Variants in BABAM2 observed in about 807,000 individuals in gnomAD.
The protein encoded by BABAM2 is BRISC and BRCA1 A complex member 2.
Under a neutral mutation model 54.7 loss-of-function variants are expected in BABAM2, and 31 were observed. The ratio of observed to expected loss-of-function variants is 0.57; its 90% confidence interval spans 0.43 to 0.77. BABAM2 has a LOEUF of 0.77. Among genes scored for constraint, BABAM2 ranks in the 30% least tolerant of loss-of-function variants. The pLI is 0.00. For synonymous variants in BABAM2, 167 were observed against 162.9 expected (o/e 1.03, Z -0.19); for missense variants, 364 against 455.8 (o/e 0.80, Z 1.83).
At chr2:27,909,844 A>G (rs1249662552) in intron 2 of BABAM2, among the ~76,000 whole-genome samples, 1 of 152,250 alleles carries the variant, frequency 6.6e-6, no homozygotes, top group African/African-American at 2.4e-5. Flanking sequence ...TGTATAGGAC[A>G]TGCTATGACA....
chr2:28,133,605 A>G (rs1670275416), intron 7 of BABAM2, among the ~76,000 whole-genome samples: 1 of 152,196 alleles, frequency 6.6e-6, no homozygotes. Flanking sequence ...GCATAGAGAG[A>G]TATCGTGGGC....
At chr2:27,948,740 C>T (rs1669486255) in intron 3 of BABAM2, among the ~76,000 whole-genome samples, 1 of 151,998 alleles carries the variant, frequency 6.6e-6, no homozygotes, top group African/African-American at 2.4e-5. Flanking sequence ...CACTGCACTC[C>T]AGCCTGGATG....
At position 28,008,891 on chromosome 2, in the gene BABAM2, C is replaced by G. The variant is rs368048137; in HGVS notation, c.301-16335C>G. ...TCCATTGTTGAAGATGTTCTTCCCCCCTGGATATGGGCAGCTCTGGATTCC... is the reference window on the plus strand; with the variant it reads ...TCCATTGTTGAAGATGTTCTTCCCCGCTGGATATGGGCAGCTCTGGATTCC... On this transcript the variant is annotated intron_variant, in intron 4 of 11. Transcript: ENST00000379624. Among the ~76,000 whole-genome samples, 282 of 152,188 alleles carry G rather than the reference C, an allele frequency of 1.9e-3. 2 individuals are homozygous for G. The highest frequency in any genetic ancestry group is 6.0e-3 in the African/African-American group (250 of 41,530).
intron 2 of BABAM2, among the ~76,000 whole-genome samples, chr2:27,899,856 G>C (rs1432187763): frequency 6.6e-6 from 1 of 152,110 alleles, no homozygotes. Context: ...ACTTTCGTTA[G>C]CTTCAAAAAA....
At chr2:28,170,667 A>G (rs1674220796) in intron 7 of BABAM2, among the ~76,000 whole-genome samples, 1 of 152,192 alleles carries the variant, frequency 6.6e-6, no homozygotes, top group Non-Finnish European at 1.5e-5. Flanking sequence ...GATGTTTATG[A>G]ACTATAAGAG....
chr2:28,276,050 GACA>G (rs1685852993), intron 10 of BABAM2, among the ~76,000 whole-genome samples: 1 of 150,698 alleles, frequency 6.6e-6, no homozygotes, highest in South Asian at 2.1e-4. Flanking sequence ...GGACTAATAT[GACA>G]ACAAGATTTT....
chr2:28,026,816 A>G (rs1244909387), intron 5 of BABAM2, among the ~76,000 whole-genome samples: 1 of 88,892 alleles, frequency 1.1e-5, no homozygotes, highest in Admixed American at 1.7e-4. Context: ...ATATATAAAT[A>G]TATATTTATA....
chr2:27,961,499 G>T (rs369392156), intron 3 of BABAM2, among the ~76,000 whole-genome samples: 1 of 152,218 alleles, frequency 6.6e-6, no homozygotes. Flanking sequence ...GCACATTTAA[G>T]GTAGGCTAGG....
At chr2:27,901,327 C>T (rs1007370282) in intron 2 of BABAM2, among the ~76,000 whole-genome samples, 2 of 152,122 alleles carry the variant, frequency 1.3e-5, no homozygotes, top group African/African-American at 4.8e-5. Context: ...GCAAATACAA[C>T]AGTGAGGAAA....
chr2:28,203,670 G>A (rs1408127157), intron 7 of BABAM2, among the ~76,000 whole-genome samples: 1 of 152,068 alleles, frequency 6.6e-6, no homozygotes, highest in African/African-American at 2.4e-5. Flanking sequence ...ATTTACATAG[G>A]TGATATACTA....
chr2:27,922,619 T>G (rs1448499284), intron 2 of BABAM2, among the ~76,000 whole-genome samples: 1 of 152,224 alleles, frequency 6.6e-6, no homozygotes, highest in Non-Finnish European at 1.5e-5. Context: ...TATATTTAGG[T>G]AATTTGAAAT....
chr2:28,267,438 T>TACACAC (rs35450423), intron 10 of BABAM2, among the ~76,000 whole-genome samples: 14 of 141,830 alleles, frequency 9.9e-5, no homozygotes, highest in East Asian at 4.1e-4. Context: ...CACACACACA[T>TACACAC]ACACACACAC....
chr2:28,250,472 C>T (rs755868892), intron 10 of BABAM2, among the ~76,000 whole-genome samples: 6 of 151,018 alleles, frequency 4.0e-5, no homozygotes, highest in Non-Finnish European at 8.8e-5. Flanking sequence ...CTTGTCCTCC[C>T]GCTTATTTGT....
At chr2:28,044,021 A>G (rs959444834) in intron 5 of BABAM2, among the ~76,000 whole-genome samples, 1 of 151,988 alleles carries the variant, frequency 6.6e-6, no homozygotes, top group African/African-American at 2.4e-5. Context: ...TTCAATTCTC[A>G]TTTCCGCCTT....
rs539257508 is a variant in BABAM2 at position 27,934,327 on chromosome 2, G to A, written c.205+4419G>A. Among the ~76,000 whole-genome samples, 32 of 152,052 alleles carry A rather than the reference G, an allele frequency of 2.1e-4. 2 individuals are homozygous for A. The highest frequency in any genetic ancestry group is 2.6e-4 in the Admixed American group (4 of 15,274). ...TTGTTGACTCTTGAATGTTACTATT[G>A]TCATTGTGTTGAGATGCCATAACAT... On this transcript the variant is annotated intron_variant, in intron 3 of 11. Coordinates refer to ENST00000379624, the MANE Select transcript of BABAM2 (RefSeq NM_199191.3).
At chr2:28,090,200 G>T (rs1231945814) in intron 6 of BABAM2, among the ~76,000 whole-genome samples, 1 of 152,128 alleles carries the variant, frequency 6.6e-6, no homozygotes, top group African/African-American at 2.4e-5. Flanking sequence ...GCTTGTATTT[G>T]CCACAAAGCA....
chr2:28,315,657 ATTTTTTATTT>A (rs1407567416), intron 11 of BABAM2, among the ~76,000 whole-genome samples: 6 of 146,982 alleles, frequency 4.1e-5, no homozygotes, highest in Non-Finnish European at 4.5e-5. Context: ...TTATTTATTT[ATTTTTTATTT>A]TTTTTTTTAG....
intron 7 of BABAM2, among the ~76,000 whole-genome samples, chr2:28,215,370 A>G (rs1443008821): frequency 6.6e-6 from 1 of 152,194 alleles, no homozygotes; most frequent in African/African-American, 2.4e-5. Context: ...ATTAAATGAG[A>G]TAATGTATGT....
chr2:28,066,006 A>G (rs560085237), intron 6 of BABAM2, among the ~76,000 whole-genome samples: 62 of 150,922 alleles, frequency 4.1e-4, no homozygotes, highest in African/African-American at 1.4e-3. Context: ...AAAAATTACA[A>G]AAATTAGCTG....
Sources: gnomAD v4.1 joint callset for allele counts (sites outside exome capture counted in the v4.1 genomes callset) on GRCh38, gnomAD v4.1.1 for gene constraint, MANE v1.5 for transcripts, NCBI Gene and HGNC (gene_info 2026-07-23, HGNC 2026-07-21) for gene names.